The following DMD variants were observed in gnomAD, a reference collection of about 807,000 sequenced individuals.
DMD encodes the protein mutant dystrophin.
Under a neutral mutation model 330.1 loss-of-function variants are expected in DMD, and 63 were observed. That is an observed-to-expected ratio of 0.19 (90% CI 0.16 to 0.24). The LOEUF (loss-of-function observed/expected upper bound fraction) is 0.24. Among genes scored for constraint, DMD ranks in the 10% least tolerant of loss-of-function variants. The pLI, the probability that DMD is intolerant of heterozygous loss-of-function variation, is 1.00. For synonymous variants in DMD, 1,223 were observed against 959.8 expected, an observed-to-expected ratio of 1.27 and a Z score of -5.07; for missense variants, 3,344 against 2,684.1, an observed-to-expected ratio of 1.25 and a Z score of -5.43.
At chrX:32,312,013 C>T (rs180897017) in intron 41 of DMD, among the ~76,000 whole-genome samples, 32 of 111,589 alleles carry the variant, frequency 2.9e-4, no homozygotes, top group African/African-American at 9.1e-4. Context: ...CTAAAGCAAG[C>T]GTATTTCTTA....
At chrX:32,882,194 G>A (rs909842279) in intron 2 of DMD, among the ~76,000 whole-genome samples, 4 of 111,711 alleles carry the variant, frequency 3.6e-5, no homozygotes, top group African/African-American at 6.5e-5. Context: ...CACCAGCCAC[G>A]TAGCAGCCCC....
At chrX:33,338,917 A>G (rs1006620981) in intron 1 of DMD, among the ~76,000 whole-genome samples, 7 of 111,543 alleles carry the variant, frequency 6.3e-5, no homozygotes, top group African/African-American at 2.3e-4. Context: ...AATTGCATAT[A>G]ACTAATCTGG....
intron 30 of DMD, among the ~76,000 whole-genome samples, chrX:32,403,883 C>A (rs1363087692): frequency 1.8e-5 from 2 of 111,772 alleles, no homozygotes; most frequent in East Asian, 5.6e-4. Flanking sequence ...ACATAAATTC[C>A]CCTTTGCAGG....
intron 19 of DMD, among the ~76,000 whole-genome samples, chrX:32,501,286 T>C (rs886502644): frequency 2.7e-5 from 3 of 112,034 alleles, no homozygotes; most frequent in Non-Finnish European, 5.6e-5. Context: ...GAGGAAGTGA[T>C]AAAAAGTAAC....
intron 2 of DMD, among the ~76,000 whole-genome samples, chrX:32,917,641 G>A (rs1407128841): frequency 1.8e-5 from 2 of 111,892 alleles, no homozygotes; most frequent in African/African-American, 6.5e-5. Flanking sequence ...AGAGAAGAAG[G>A]TAAATTGCAT....
chrX:31,987,732 T>A (rs1468341004), intron 44 of DMD, among the ~76,000 whole-genome samples: 1 of 111,912 alleles, frequency 8.9e-6, no homozygotes, highest in Non-Finnish European at 1.9e-5. Context: ...CCTTATGCAC[T>A]GTTGGTGGGA....
At chrX:33,198,638 T>C (rs1183509054) in intron 1 of DMD, among the ~76,000 whole-genome samples, 2 of 111,495 alleles carry the variant, frequency 1.8e-5, no homozygotes, top group East Asian at 2.8e-4. Flanking sequence ...TTTAAAAATA[T>C]ATATGGGGAA....
chrX:32,522,645 C>T (rs1486484950), intron 17 of DMD, among the ~76,000 whole-genome samples: 5 of 111,978 alleles, frequency 4.5e-5, no homozygotes, highest in Non-Finnish European at 9.4e-5. Context: ...TATAATCTGG[C>T]CTTCATAGAC....
intron 5 of DMD, among the ~76,000 whole-genome samples, chrX:32,821,604 AAAATAAAAATAAAAAAT>A (rs1007089620): frequency 9.2e-6 from 1 of 108,899 alleles, no homozygotes; most frequent in African/African-American, 3.5e-5. Flanking sequence ...AAAATAAAAA[AAAATAAAAATAAAAAAT>A]AAAAAAATTC....
At chrX:32,858,674 C>T (rs1157365606) in intron 2 of DMD, among the ~76,000 whole-genome samples, 1 of 111,094 alleles carries the variant, frequency 9.0e-6, no homozygotes, top group Non-Finnish European at 1.9e-5. Context: ...ATCTCCCCCA[C>T]CCCCGTTCCC....
chrX:32,931,346 C>T (rs550972438), intron 2 of DMD, among the ~76,000 whole-genome samples: 81 of 111,061 alleles, frequency 7.3e-4, no homozygotes, highest in South Asian at 1.5e-3. Flanking sequence ...GGGGAGAGTG[C>T]GTGGTTACTG....
At chrX:32,896,105 C>G (rs758435036) in intron 2 of DMD, among the ~76,000 whole-genome samples, 9 of 110,638 alleles carry the variant, frequency 8.1e-5, no homozygotes, top group African/African-American at 3.0e-4. Flanking sequence ...CACAGCTGTG[C>G]GATGAAAAGA....
Position 32,265,938 on chromosome X carries a change from T to C in DMD, c.6290+21591A>G, listed in dbSNP as rs189781777. On this transcript the variant is annotated intron_variant, in intron 43 of 78. Coordinates refer to ENST00000357033, the MANE Select transcript of DMD (RefSeq NM_004006.3). The stretch of plus-strand genomic sequence containing the variant: ...CTTTGGACTTGGACTCCTGGGTTAA[T>C]GCTAGAGTGAGTTAAGACTTTGAGT... Among the ~76,000 whole-genome samples the C allele has an allele frequency of 8.4e-3, 938 of 111,832 alleles. 13 individuals carry two copies. Among genetic ancestry groups the C allele is most frequent in the African/African-American group, 0.029 (892 of 30,794 alleles).
chrX:32,848,786 A>G (rs1449769565), intron 3 of DMD, among the ~76,000 whole-genome samples: 1 of 111,533 alleles, frequency 9.0e-6, no homozygotes, highest in African/African-American at 3.3e-5. Flanking sequence ...TCTGGCAGAC[A>G]GTTGGGGTAG....
At chrX:32,581,605 T>C (rs921210094) in intron 13 of DMD, among the ~76,000 whole-genome samples, 1 of 111,903 alleles carries the variant, frequency 8.9e-6, no homozygotes, top group Non-Finnish European at 1.9e-5. Flanking sequence ...TCTGGAAAAA[T>C]GTAATGTTGA....
intron 47 of DMD, among the ~76,000 whole-genome samples, chrX:31,922,593 C>T (rs762865354): frequency 2.9e-4 from 32 of 109,921 alleles, no homozygotes; most frequent in African/African-American, 1.1e-3. Flanking sequence ...TCTATGGGAT[C>T]TGACACTATC....
intron 4 of DMD, among the ~76,000 whole-genome samples, chrX:32,843,949 C>T (rs1278959537): frequency 1.9e-4 from 21 of 112,046 alleles, no homozygotes; most frequent in African/African-American, 5.8e-4. Context: ...CATTCATACC[C>T]CAAGTAAAAA....
intron 9 of DMD, 28 bp downstream of exon 9, chrX:32,697,842 G>T (rs775580992): frequency 5.0e-6 from 6 of 1,207,519 alleles, no homozygotes; most frequent in Non-Finnish European, 4.5e-6. Flanking sequence ...TCTCTGGTTT[G>T]TACAACAGAG....
Position 31,881,207 on chromosome X carries a change from A to C in DMD, c.6913-5834T>G, listed in dbSNP as rs982507135. 2.7e-5 allele frequency among the ~76,000 whole-genome samples: 3 copies of C among 111,523 alleles called. No homozygotes were observed. In the Admixed American group the frequency reaches 2.9e-4, roughly 11 times the overall value. ...ATTACAGAGTCAAAAACTTAAAAAA[A>C]AAGTTTATAAAGTAAAAAAGTTACT... On this transcript the variant is annotated intron_variant, in intron 47 of 78. Coordinates refer to ENST00000357033, the MANE Select transcript of DMD (RefSeq NM_004006.3).
Sources: gnomAD v4.1 joint callset for allele counts (sites outside exome capture counted in the v4.1 genomes callset) on GRCh38, gnomAD v4.1.1 for gene constraint, MANE v1.5 for transcripts, NCBI Gene and HGNC (gene_info 2026-07-23, HGNC 2026-07-21) for gene names.